The following ABCD2 variants were observed in gnomAD, a reference collection of about 807,000 sequenced individuals.
ABCD2 encodes the protein ATP-binding cassette sub-family D member 2.
In ABCD2, 36 loss-of-function variants were observed where a neutral mutation model predicts 70.9. The ratio of observed to expected loss-of-function variants is 0.51; its 90% CI spans 0.39 to 0.67. The LOEUF (loss-of-function observed/expected upper bound fraction) is 0.67, where lower values mean the gene tolerates loss of function less well. ABCD2 is among the 30% of genes least tolerant of loss of function. The pLI is 0.00. For synonymous variants in ABCD2, 304 were observed against 306.9 expected, an observed-to-expected ratio of 0.99 and a Z score of 0.10; for missense variants, 729 against 890.2, an observed-to-expected ratio of 0.82 and a Z score of 2.30.
At chr12:39,539,082 C>T in the ABCD2 span, among the ~76,000 whole-genome samples, 1 of 152,110 alleles carries the variant, frequency 6.6e-6, no homozygotes, top group Non-Finnish European at 1.5e-5. Context: ...TACACAAGAA[C>T]CCTTCAATAA....
At chr12:39,600,946 A>G (rs1249979048) in intron 5 of ABCD2, among the ~76,000 whole-genome samples, 1 of 152,166 alleles carries the variant, frequency 6.6e-6, no homozygotes, top group East Asian at 1.9e-4. Flanking sequence ...TCTTCTTGAA[A>G]TGGGCACTGG....
downstream of ABCD2, among the ~76,000 whole-genome samples, chr12:39,546,942 A>C (rs928674322): frequency 6.6e-6 from 1 of 152,032 alleles, no homozygotes; most frequent in African/African-American, 2.4e-5. Flanking sequence ...GCTATTTGGA[A>C]GCAGAGAAAA....
At position 39,550,105 on chromosome 12, in the gene ABCD2, A is replaced by G. The variant is rs967972842; in HGVS notation, c.*3807T>C. The G allele has an allele frequency of 6.6e-6, 1 of 151,804 alleles. No individual in the cohort carries two copies. Among genetic ancestry groups the G allele is most frequent in the Non-Finnish European group, 1.5e-5 (1 of 67,742 alleles). The allele number at this position is 151,804 out of a possible 1,614,324, so 9.4% of individuals were successfully genotyped here. A position where few individuals can be genotyped will look rare whatever the true frequency, so the allele number is the denominator to read the frequency against. On this transcript the variant is annotated 3_prime_UTR_variant, in exon 10 of 10. Coordinates refer to ENST00000308666, the MANE Select transcript of ABCD2 (RefSeq NM_005164.4). ...CCTGGCATAGGTAGATACTTATTAA[A>G]TGTGTTGTATTAATAAAGAAAATTA...
intron 6 of ABCD2, among the ~76,000 whole-genome samples, chr12:39,589,080 G>A (rs7133376): frequency 0.27 from 41,648 of 151,970 alleles, 8,455 homozygotes; most frequent in African/African-American, 0.58. Context: ...AGGGGTAAAG[G>A]TGTATGATTA....
At chr12:39,608,482 T>C (rs1163148126) in intron 2 of ABCD2, among the ~76,000 whole-genome samples, 4 of 151,590 alleles carry the variant, frequency 2.6e-5, no homozygotes, top group Non-Finnish European at 5.9e-5. Flanking sequence ...AGACCAGGAG[T>C]TTGAGACCAG....
chr12:39,595,294 G>A (rs998793484), intron 6 of ABCD2, among the ~76,000 whole-genome samples: 5 of 152,114 alleles, frequency 3.3e-5, no homozygotes, highest in Admixed American at 2.6e-4. Flanking sequence ...GAGGCAGTGA[G>A]TACAGAAGAT....
At chr12:39,556,259 G>A (rs376055775) in intron 9 of ABCD2, among the ~76,000 whole-genome samples, 2 of 152,004 alleles carry the variant, frequency 1.3e-5, no homozygotes, top group Non-Finnish European at 2.9e-5. Flanking sequence ...TAAAATAGTT[G>A]TTTTTAAAGT....
Position 39,552,026 on chromosome 12 carries a change from G to A in ABCD2, c.*1886C>T, listed in dbSNP as rs1941095288. On this transcript the variant is annotated 3_prime_UTR_variant, in exon 10 of 10. Transcript: ENST00000308666. ...AAGATTAATGAATAATTTTTAGCAA[G>A]TTTAAGTTTTGGTTCCATGCTTCTT... 1 of 151,620 alleles carries A rather than the reference G, an allele frequency of 6.6e-6. No homozygotes were observed. The highest frequency in any genetic ancestry group is 2.4e-5 in the African/African-American group (1 of 41,354). The allele number at this position is 151,620 out of a possible 1,614,324, so 9.4% of individuals were successfully genotyped here. A position where few individuals can be genotyped will look rare whatever the true frequency, so the allele number is the denominator to read the frequency against.
intron 2 of ABCD2, among the ~76,000 whole-genome samples, chr12:39,616,523 C>T (rs368290904): frequency 1.3e-5 from 2 of 152,028 alleles, no homozygotes; most frequent in Non-Finnish European, 2.9e-5. Flanking sequence ...TTCCTGCTTG[C>T]CCATTGTAGT....
the ABCD2 span, among the ~76,000 whole-genome samples, chr12:39,538,094 A>AT: frequency 1.3e-5 from 2 of 151,802 alleles, no homozygotes; most frequent in Admixed American, 6.6e-5. Flanking sequence ...ACCCCCCAAA[A>AT]TTCTGTAATG....
intron 5 of ABCD2, among the ~76,000 whole-genome samples, chr12:39,601,601 ACTT>A (rs888944447): frequency 6.6e-6 from 1 of 152,036 alleles, no homozygotes; most frequent in African/African-American, 2.4e-5. Flanking sequence ...ATTTTTATCT[ACTT>A]CTACCAAGAG....
At chr12:39,575,591 C>T (rs920946033) in intron 8 of ABCD2, among the ~76,000 whole-genome samples, 4 of 152,164 alleles carry the variant, frequency 2.6e-5, no homozygotes, top group South Asian at 2.1e-4. Context: ...AAAGAGAATA[C>T]TATTGTGATG....
Position 39,615,377 on chromosome 12 carries a change from C to T in ABCD2, c.1120+1611G>A, listed in dbSNP as rs565415192. Among the ~76,000 whole-genome samples the T allele has an allele frequency of 2.6e-5, 4 of 151,930 alleles. No individual in the cohort carries two copies. In the South Asian group the frequency reaches 8.3e-4, roughly 32 times the overall value. The stretch of plus-strand genomic sequence containing the variant: ...ATAATTTTGACTTTTTTTGGTAAAA[C>T]TAATATTAACACCATAGATTTTAAA... On this transcript the variant is annotated intron_variant, in intron 2 of 9. Coordinates refer to ENST00000308666, the MANE Select transcript of ABCD2 (RefSeq NM_005164.4).
chr12:39,534,831 GGAAA>G, the ABCD2 span, among the ~76,000 whole-genome samples: 17 of 126,868 alleles, frequency 1.3e-4, no homozygotes, highest in South Asian at 1.2e-3. Flanking sequence ...AAGGAAAGCA[GGAAA>G]GAAAGAAAGA....
chr12:39,594,656 C>T (rs1941790795), intron 6 of ABCD2, among the ~76,000 whole-genome samples: 1 of 152,172 alleles, frequency 6.6e-6, no homozygotes. Context: ...ATGTCTTAAG[C>T]TCTTCTTCCT....
At chr12:39,555,638 T>C (rs1304569854) in intron 9 of ABCD2, among the ~76,000 whole-genome samples, 2 of 152,092 alleles carry the variant, frequency 1.3e-5, no homozygotes, top group African/African-American at 2.4e-5. Context: ...AGAGTTTGCA[T>C]TGGAACACAC....
intron 9 of ABCD2, among the ~76,000 whole-genome samples, chr12:39,566,330 A>G (rs1239378959): frequency 6.6e-6 from 1 of 152,120 alleles, no homozygotes; most frequent in Non-Finnish European, 1.5e-5. Flanking sequence ...TTATTCAGAG[A>G]TTGAAATTCT....
chr12:39,618,871 T>C lies in ABCD2; in HGVS notation c.745A>G (p.Arg249Gly). The change falls in exon 1 of 10, where the codon AGA becomes GGA. Residue 249 changes from arginine to glycine, a missense_variant. By Grantham distance (125) the Arg-to-Gly change is moderately radical. Coordinates refer to ENST00000308666, the MANE Select transcript of ABCD2 (RefSeq NM_005164.4). ...SYTLIQTATS[R>G]GASPIGPTLL... ...GTGGGCCCAATTGGGCTTGCTCCTC[T>C]GGATGTAGCAGTTTGAATGAGTGTA... 3 of 1,614,226 alleles carry C rather than the reference T, an allele frequency of 1.9e-6. No homozygotes were observed. The highest frequency in any genetic ancestry group is 2.5e-6 in the Non-Finnish European group (3 of 1,180,040).
At chr12:39,559,378 C>CAAAAAAA (rs199560381) in intron 9 of ABCD2, among the ~76,000 whole-genome samples, 3 of 60,394 alleles carry the variant, frequency 5.0e-5, no homozygotes, top group Admixed American at 4.6e-4. Flanking sequence ...ACTCCAGCTC[C>CAAAAAAA]AAAAAAAAAA....
Sources: allele counts gnomAD v4.1 joint callset (sites outside exome capture counted in the v4.1 genomes callset), GRCh38; gene constraint gnomAD v4.1.1; transcripts MANE v1.5; gene names NCBI Gene and HGNC (gene_info 2026-07-23, HGNC 2026-07-21).